The following GMPR variants were observed in gnomAD, a reference collection of about 807,000 sequenced individuals.
GMPR encodes the protein guanosine monophosphate reductase, also known as GMP reductase 1.
In GMPR, 31 loss-of-function variants were observed where a neutral mutation model predicts 38.4. That is an observed-to-expected ratio of 0.81 (90% confidence interval 0.61 to 1.09). GMPR has a LOEUF of 1.09. Ranked by LOEUF, GMPR falls within the 50% of genes least tolerant of loss-of-function variation. The probability of loss-of-function intolerance (pLI) is 0.00; values close to 1 mark genes in which losing one functional copy is unlikely to be tolerated. For synonymous variants in GMPR, 162 were observed against 173.3 expected (o/e 0.93, Z 0.51); for missense variants, 468 against 453.7 (o/e 1.03, Z -0.29).
At chr6:16,278,116 C>CA in intron 5 of GMPR, among the ~76,000 whole-genome samples, 1 of 152,050 alleles carries the variant, frequency 6.6e-6, no homozygotes, top group Non-Finnish European at 1.5e-5. Context: ...GGCTAGGCTG[C>CA]AAGGGACTTG....
intron 4 of GMPR, among the ~76,000 whole-genome samples, chr6:16,273,718 C>T (rs1390908944): frequency 2.6e-5 from 4 of 151,768 alleles, no homozygotes; most frequent in Non-Finnish European, 5.9e-5. Flanking sequence ...AGGGGCTTTG[C>T]AAACTGTGAA....
At chr6:16,272,863 C>G (rs1314862183) in intron 4 of GMPR, among the ~76,000 whole-genome samples, 1 of 151,818 alleles carries the variant, frequency 6.6e-6, no homozygotes, top group African/African-American at 2.4e-5. Context: ...GGGATTTTGC[C>G]ATGTTGCCCA....
In GMPR at chr6:16,290,546, G is replaced by A. The variant is rs759546191; in HGVS notation, c.782G>A (p.Arg261Gln). ...CAGEVFERNG[R>Q]KLKLFYGMSS... ...GGAGAAGTGTTTGAGAGGAACGGAC[G>A]GAAGCTCAAGCTCTTCTACGGGATG... Residue 261 changes from arginine to glutamine, a missense_variant, in exon 8 of 9, where the codon CGG becomes CAG. By Grantham distance (43) the Arg-to-Gln change is conservative (BLOSUM62 1). Transcript: ENST00000259727. 16 of 1,613,878 alleles carry A rather than the reference G, an allele frequency of 9.9e-6. No homozygotes were observed. The highest frequency in any genetic ancestry group is 2.2e-5 in the East Asian group (1 of 44,894).
At chr6:16,260,451 T>A (rs1759061871) in intron 4 of GMPR, among the ~76,000 whole-genome samples, 1 of 151,988 alleles carries the variant, frequency 6.6e-6, no homozygotes, top group Non-Finnish European at 1.5e-5. Context: ...AGTGTCTACC[T>A]AGACTAAGAG....
At chr6:16,246,816 TTTC>T (rs1758766422) in intron 1 of GMPR, 23 bp from the exon 2 acceptor site, 2 of 1,606,406 alleles carry the variant, frequency 1.2e-6, no homozygotes, top group Non-Finnish European at 1.7e-6. Flanking sequence ...TCTTTCCCTT[TTTC>T]TTTCTTTTTT....
chr6:16,282,196 G>A (rs1286590593), intron 6 of GMPR, among the ~76,000 whole-genome samples: 2 of 152,234 alleles, frequency 1.3e-5, no homozygotes, highest in Non-Finnish European at 2.9e-5. Flanking sequence ...ATACCCAAGA[G>A]GCTGGGCTTC....
chr6:16,257,348 T>C (rs780766326), intron 4 of GMPR, among the ~76,000 whole-genome samples: 7 of 152,190 alleles, frequency 4.6e-5, no homozygotes, highest in African/African-American at 1.7e-4. Flanking sequence ...ATAGCCCTTA[T>C]TAATACGATA....
At chr6:16,270,865 A>G (rs75358491) in intron 4 of GMPR, among the ~76,000 whole-genome samples, 2,838 of 152,266 alleles carry the variant, frequency 0.019, 77 homozygotes, top group African/African-American at 0.058. Context: ...CTGGGTTACT[A>G]AAGCGGCGTC....
At chr6:16,269,983 C>G (rs1406587324) in intron 4 of GMPR, among the ~76,000 whole-genome samples, 2 of 152,198 alleles carry the variant, frequency 1.3e-5, no homozygotes, top group Non-Finnish European at 2.9e-5. Context: ...GGCCACTAAT[C>G]CCATTGTTGG....
rs964938495 is a variant in GMPR at position 16,278,632 on chromosome 6, C to G, written c.548-152C>G. 13 of 691,494 alleles carry G rather than the reference C, an allele frequency of 1.9e-5. No individual in the cohort carries two copies. In the African/African-American group the frequency reaches 2.3e-4, roughly 12 times the overall value. The allele number at this position is 691,494 out of a possible 1,614,324, so 42.8% of individuals were successfully genotyped here. A position where few individuals can be genotyped will look rare whatever the true frequency, so the allele number is the denominator to read the frequency against. On this transcript the variant is annotated intron_variant, in intron 5 of 8. Coordinates refer to ENST00000259727, the MANE Select transcript of GMPR (RefSeq NM_006877.4). ...GTGGTTTACAGTGACCTCCATCGTGCAGATGGGGCAGCCTGTTCCCCACAT... is the reference window on the plus strand; with the variant it reads ...GTGGTTTACAGTGACCTCCATCGTGGAGATGGGGCAGCCTGTTCCCCACAT...
intron 4 of GMPR, chr6:16,259,435 C>T (rs1173434891): frequency 6.6e-6 from 1 of 151,958 alleles, no homozygotes; most frequent in East Asian, 1.9e-4. Flanking sequence ...ACATTCCTGT[C>T]TTCTTATGTT....
rs541522009 is a variant in GMPR at position 16,254,350 on chromosome 6, C to T, written c.292-212C>T. ...CAAAGTGCTAGGATTACAGCATGAG[C>T]CACCGTGCCTGGCCAAAGTTTAGAT... On this transcript the variant is annotated intron_variant, in intron 3 of 8. Transcript: ENST00000259727. Among the ~76,000 whole-genome samples, 169 of 152,328 alleles carry T rather than the reference C, an allele frequency of 1.1e-3. 1 individual carries two copies. Among genetic ancestry groups the T allele is most frequent in the African/African-American group, 3.9e-3 (163 of 41,566 alleles).
intron 4 of GMPR, among the ~76,000 whole-genome samples, chr6:16,257,131 G>C (rs535972119): frequency 5.4e-4 from 82 of 152,292 alleles, no homozygotes; most frequent in African/African-American, 1.9e-3. Flanking sequence ...GAGAGGGCTG[G>C]AAGTAGAGTT....
At chr6:16,242,953 T>C (rs1314903183) in intron 1 of GMPR, among the ~76,000 whole-genome samples, 4 of 152,154 alleles carry the variant, frequency 2.6e-5, no homozygotes, top group Non-Finnish European at 5.9e-5. Flanking sequence ...ACATCAGTCA[T>C]ATTGGACTAG....
chr6:16,277,114 C>T (rs928729243), intron 5 of GMPR, among the ~76,000 whole-genome samples: 6 of 152,146 alleles, frequency 3.9e-5, no homozygotes, highest in South Asian at 2.1e-4. Flanking sequence ...CCGTGCACAA[C>T]GTCTGGTTGC....
intron 6 of GMPR, among the ~76,000 whole-genome samples, chr6:16,281,783 C>G (rs1318920433): frequency 6.6e-6 from 1 of 152,214 alleles, no homozygotes; most frequent in Non-Finnish European, 1.5e-5. Flanking sequence ...GCTGGGATTA[C>G]AGGCGTAAGC....
At chr6:16,290,335 G>A in intron 7 of GMPR, 127 bp from the exon 8 acceptor site, 1 of 824,370 alleles carries the variant, frequency 1.2e-6, no homozygotes. Context: ...GAGAGGTCCA[G>A]CCTTTCTCTT....
chr6:16,247,047 C>A, intron 2 of GMPR, 86 bp downstream of exon 2: 2 of 1,280,508 alleles, frequency 1.6e-6, no homozygotes, highest in Non-Finnish European at 2.2e-6. Flanking sequence ...TATTCAGACA[C>A]AAGGAAGAGT....
chr6:16,284,788 G>A lies in GMPR; in HGVS notation c.655-1005G>A, dbSNP rs924530435. On this transcript the variant is annotated intron_variant, in intron 6 of 8. Coordinates refer to ENST00000259727, the MANE Select transcript of GMPR (RefSeq NM_006877.4). Reference sequence around the variant, plus strand: ...TAATCCCAGCACTTTGGGAGGCCGAGGTGGGCGGATCACCTGAGGTCAGGA... The same window carrying A: ...TAATCCCAGCACTTTGGGAGGCCGAAGTGGGCGGATCACCTGAGGTCAGGA... Among the ~76,000 whole-genome samples, 83 of 152,246 alleles carry A rather than the reference G, an allele frequency of 5.5e-4. 1 individual carries two copies. The highest frequency in any genetic ancestry group is 2.0e-3 in the African/African-American group (82 of 41,540).
Sources: gnomAD v4.1 joint callset for allele counts (sites outside exome capture counted in the v4.1 genomes callset) on GRCh38, gnomAD v4.1.1 for gene constraint, MANE v1.5 for transcripts, NCBI Gene and HGNC (gene_info 2026-07-23, HGNC 2026-07-21) for gene names.